The following RYR2 variants were observed in gnomAD, a reference collection of about 807,000 sequenced individuals.
The protein encoded by RYR2 is cardiac muscle ryanodine receptor-calcium release channel.
RYR2 carries 227 observed loss-of-function variants against 601.1 expected under a neutral mutation model. That is an observed-to-expected ratio of 0.38 (90% CI 0.34 to 0.42). The LOEUF is 0.42. Among genes scored for constraint, RYR2 ranks in the 10% least tolerant of loss-of-function variants. The pLI, the probability that RYR2 is intolerant of heterozygous loss-of-function variation, is 1.00. For synonymous variants in RYR2, 2,223 were observed against 2,175.1 expected, an observed-to-expected ratio of 1.02 and a Z score of -0.61; for missense variants, 4,646 against 6,156.5, an observed-to-expected ratio of 0.75 and a Z score of 8.21.
intron 98 of RYR2, among the ~76,000 whole-genome samples, chr1:237,802,940 A>C (rs1660143409): frequency 6.6e-6 from 1 of 152,126 alleles, no homozygotes; most frequent in Non-Finnish European, 1.5e-5. Context: ...GCGTTCTGCT[A>C]TTTTAGTAGG....
intron 2 of RYR2, among the ~76,000 whole-genome samples, chr1:237,308,094 A>G (rs970252158): frequency 6.6e-6 from 1 of 152,188 alleles, no homozygotes; most frequent in African/African-American, 2.4e-5. Flanking sequence ...TACCCTCTAG[A>G]TGTTTATTAT....
chr1:237,563,977 G>A (rs1323642077), intron 27 of RYR2, among the ~76,000 whole-genome samples: 2 of 151,972 alleles, frequency 1.3e-5, no homozygotes, highest in Non-Finnish European at 2.9e-5. Context: ...TAGAAAATTA[G>A]GAGTTACATC....
At chr1:237,631,662 T>G in intron 42 of RYR2, 121 bp downstream of exon 42, 1 of 472,910 alleles carries the variant, frequency 2.1e-6, no homozygotes, top group South Asian at 2.9e-5. Flanking sequence ...AGAGGCTCAC[T>G]CTGTCGCCCA....
At position 237,205,778 on chromosome 1, in the gene RYR2, A is replaced by G. The variant is rs1253413567; in HGVS notation, c.49-64719A>G. ...GCACGGCTGGAGACGGAGGTCCTGC[A>G]GCTGCAGCTGAGGCCCCCACTCTTC... is the stretch of plus-strand genomic sequence containing the variant. On this transcript the variant is annotated intron_variant, in intron 1 of 104. Coordinates refer to ENST00000366574, the MANE Select transcript of RYR2 (RefSeq NM_001035.3). Among the ~76,000 whole-genome samples the G allele has an allele frequency of 2.6e-5, 4 of 152,244 alleles. No homozygotes were observed. In the East Asian group the frequency reaches 7.7e-4, roughly 29 times the overall value.
At chr1:237,448,916 C>T (rs143203906) in intron 14 of RYR2, among the ~76,000 whole-genome samples, 4 of 150,984 alleles carry the variant, frequency 2.6e-5, no homozygotes, top group Non-Finnish European at 5.9e-5. Context: ...GCATTTTTGT[C>T]CCATTTGATA....
chr1:237,512,745 C>T (rs540647831), intron 24 of RYR2, among the ~76,000 whole-genome samples: 3 of 152,250 alleles, frequency 2.0e-5, no homozygotes, highest in East Asian at 1.9e-4. Context: ...TAATGGCGCA[C>T]ACCTGAGTCC....
At chr1:237,712,250 C>G (rs923432996) in intron 71 of RYR2, among the ~76,000 whole-genome samples, 1 of 152,004 alleles carries the variant, frequency 6.6e-6, no homozygotes, top group African/African-American at 2.4e-5. Context: ...AATTTGAATA[C>G]TTTTCAGGGG....
Position 237,423,149 on chromosome 1 carries a change from A to G in RYR2, c.906A>G (p.Thr302=), listed in dbSNP as rs569242793. ...CATTCCGACTACGCCATGTCACAAC[A>G]GGAAAATACTTGAGTCTCATGGAAG... ...GQPFRLRHVT[T]GKYLSLMEDK... The change falls in exon 12 of 105, where the codon ACA becomes ACG. Residue 302 remains threonine, a synonymous_variant. Coordinates refer to ENST00000366574, the MANE Select transcript of RYR2 (RefSeq NM_001035.3). 6.2e-7 allele frequency: 1 copy of G among 1,613,932 alleles called. No individual in the cohort carries two copies. The highest frequency in any genetic ancestry group is 8.5e-7 in the Non-Finnish European group (1 of 1,179,860).
rs1319919416 is a variant in RYR2, at chr1:237,635,066, A to G, written c.6792+74A>G. On this transcript the variant is annotated intron_variant, in intron 44 of 104. Coordinates refer to ENST00000366574, the MANE Select transcript of RYR2 (RefSeq NM_001035.3). ...CGGTTTTCTCAATATTTTAAATATA[A>G]GTAAGGTTGGTGCAGAAGTCATTGT... 4 of 1,194,300 alleles carry G rather than the reference A, an allele frequency of 3.3e-6. No individual in the cohort carries two copies. The East Asian group carries it at 1.0e-4, about 31-fold the overall frequency. 74.0% of individuals were successfully genotyped at this position (1,194,300 alleles called of 1,614,324 possible).
chr1:237,302,459 A>G (rs1034581354), intron 2 of RYR2, among the ~76,000 whole-genome samples: 1 of 152,226 alleles, frequency 6.6e-6, no homozygotes, highest in East Asian at 1.9e-4. Context: ...GAGAGTCATT[A>G]CAAGCCTTGA....
At chr1:237,587,792 A>G (rs1674698090) in intron 29 of RYR2, among the ~76,000 whole-genome samples, 1 of 152,224 alleles carries the variant, frequency 6.6e-6, no homozygotes, top group Admixed American at 6.5e-5. Flanking sequence ...TAGTGAAACA[A>G]ATAGCCAAAG....
chr1:237,591,677 C>T, intron 31 of RYR2, 62 bp from the exon 32 acceptor site: 5 of 1,337,360 alleles, frequency 3.7e-6, no homozygotes, highest in Non-Finnish European at 5.3e-6. Context: ...ATTATATGCT[C>T]ATATTTGAAG....
Position 237,711,766 on chromosome 1 carries a change from A to C in RYR2, c.10252A>C (p.Asn3418His). The change falls in exon 71 of 105, where the codon AAC becomes CAC. Residue 3418 changes from asparagine to histidine, a missense_variant. Transcript: ENST00000366574. ...TCAGAATTTCAAAAGAGAAGAGCAG[A>C]ACTTCGTTGTACAGAATGAAATCAA... ...KSHNFKREEQ[N>H]FVVQNEINNM... 1 of 1,584,574 alleles carries C rather than the reference A, an allele frequency of 6.3e-7. No homozygotes were observed. Among genetic ancestry groups the C allele is most frequent in the East Asian group, 2.2e-5 (1 of 44,666 alleles).
At chr1:237,705,038 G>A (rs1688256340) in intron 66 of RYR2, among the ~76,000 whole-genome samples, 175 bp from the exon 67 acceptor site, 6 of 152,076 alleles carry the variant, frequency 3.9e-5, no homozygotes, top group Non-Finnish European at 8.8e-5. Flanking sequence ...TTCAAATGGT[G>A]AGGATATTGC....
chr1:237,497,519 TA>T (rs1664202001), intron 20 of RYR2, among the ~76,000 whole-genome samples: 1 of 152,356 alleles, frequency 6.6e-6, no homozygotes, highest in African/African-American at 2.4e-5. Flanking sequence ...AAGCTTATAT[TA>T]ATAAAGCTGC....
At chr1:237,640,762 C>T in intron 46 of RYR2, 135 bp from the exon 47 acceptor site, 1 of 692,324 alleles carries the variant, frequency 1.4e-6, no homozygotes, top group East Asian at 2.7e-5. Flanking sequence ...TCAAGCTCTA[C>T]ATTATAACAT....
chr1:237,371,982 C>G (rs1023729814), intron 6 of RYR2, among the ~76,000 whole-genome samples: 1 of 152,048 alleles, frequency 6.6e-6, no homozygotes, highest in Non-Finnish European at 1.5e-5. Flanking sequence ...ACCAACATGG[C>G]ACATGGCACA....
intron 24 of RYR2, among the ~76,000 whole-genome samples, chr1:237,527,122 C>T (rs1297700729): frequency 1.3e-5 from 2 of 152,062 alleles, no homozygotes; most frequent in African/African-American, 4.8e-5. Flanking sequence ...AGGTATGTGG[C>T]TTTATTTTTG....
intron 1 of RYR2, among the ~76,000 whole-genome samples, chr1:237,149,782 T>C (rs1674498316): frequency 6.6e-6 from 1 of 151,482 alleles, no homozygotes; most frequent in Non-Finnish European, 1.5e-5. Context: ...TGTTTTCATG[T>C]GAAATGAAGT....
Sources: allele counts gnomAD v4.1 joint callset (sites outside exome capture counted in the v4.1 genomes callset), GRCh38; gene constraint gnomAD v4.1.1; transcripts MANE v1.5; gene names NCBI Gene and HGNC (gene_info 2026-07-23, HGNC 2026-07-21).